Variants in SLC36A3 observed in about 807,000 individuals in gnomAD.
SLC36A3 encodes solute carrier family 36 member 3, also known as proton-coupled amino acid transporter 3.
In SLC36A3, 35 loss-of-function variants were observed where a neutral mutation model predicts 44.3. That is an observed-to-expected ratio of 0.79 (90% CI 0.60 to 1.05). The LOEUF (loss-of-function observed/expected upper bound fraction) is 1.05, where lower values mean the gene tolerates loss of function less well. Among genes scored for constraint, SLC36A3 ranks in the 50% least tolerant of loss-of-function variants. SLC36A3 has a pLI of 0.00. For synonymous variants in SLC36A3, 211 were observed against 227.6 expected, an observed-to-expected ratio of 0.93 and a Z score of 0.66; for missense variants, 540 against 578.7, an observed-to-expected ratio of 0.93 and a Z score of 0.69.
At chr5:151,286,264 G>C (rs191882081) in intron 6 of SLC36A3, among the ~76,000 whole-genome samples, 33 of 152,312 alleles carry the variant, frequency 2.2e-4, no homozygotes, top group African/African-American at 7.9e-4. Context: ...TCAAGTCCTT[G>C]ATATAAAATG....
intron 5 of SLC36A3, 146 bp downstream of exon 5, chr5:151,288,240 C>A (rs964476920): frequency 1.5e-5 from 7 of 458,136 alleles, no homozygotes; most frequent in Non-Finnish European, 2.6e-5. Context: ...ATTCCCAGGA[C>A]TGAGAGAGCT....
chr5:151,288,794 T>C (rs17660054), intron 4 of SLC36A3: 34,676 of 154,428 alleles, frequency 0.22, 4,276 homozygotes, highest in Admixed American at 0.37. Flanking sequence ...CAGAATCATT[T>C]GAAAGTCAAT....
At chr5:151,300,977 A>G (rs538441058) in intron 1 of SLC36A3, among the ~76,000 whole-genome samples, 6 of 152,342 alleles carry the variant, frequency 3.9e-5, no homozygotes, top group African/African-American at 1.2e-4. Context: ...ACTTGTAATG[A>G]CTGTATCATA....
chr5:151,284,658 CAAG>C lies in SLC36A3; in HGVS notation c.759_761del (p.Phe253del), dbSNP rs1342312670. On this transcript the variant is annotated inframe_deletion, in exon 7 of 10. Transcript: ENST00000335230. Reference sequence around the variant, plus strand: ...TGAAGATGGCTGTACCAAAGAACAGCAAGAAGGTCTTCCAGTTTGCCATCAAGG... The same window carrying C: ...TGAAGATGGCTGTACCAAAGAACAGCAAGGTCTTCCAGTTTGCCATCAAGG... 2 of 1,613,346 alleles carry C rather than the reference CAAG, an allele frequency of 1.2e-6. No homozygotes were observed. Among genetic ancestry groups the C allele is most frequent in the Non-Finnish European group, 8.5e-7 (1 of 1,179,596 alleles).
intron 1 of SLC36A3, among the ~76,000 whole-genome samples, chr5:151,299,928 T>A (rs1755113565): frequency 6.6e-6 from 1 of 152,224 alleles, no homozygotes; most frequent in Non-Finnish European, 1.5e-5. Flanking sequence ...TCATCCTCAC[T>A]GCCACCTTTG....
chr5:151,300,320 G>GA (rs1755127331), intron 1 of SLC36A3, among the ~76,000 whole-genome samples: 1 of 152,232 alleles, frequency 6.6e-6, no homozygotes, highest in Non-Finnish European at 1.5e-5. Flanking sequence ...GGGTTGGGTT[G>GA]AGAGAACAGA....
intron 3 of SLC36A3, among the ~76,000 whole-genome samples, chr5:151,294,026 G>A (rs1055840892): frequency 7.9e-5 from 12 of 152,254 alleles, no homozygotes; most frequent in Non-Finnish European, 1.5e-4. Context: ...AGTGGAAACA[G>A]CAGCAGGTTG....
chr5:151,300,543 C>T (rs1232544467), intron 1 of SLC36A3, among the ~76,000 whole-genome samples: 1 of 152,182 alleles, frequency 6.6e-6, no homozygotes, highest in Non-Finnish European at 1.5e-5. Flanking sequence ...CCACCCTCTG[C>T]TCTTTTTTCC....
At chr5:151,288,241 T>A in intron 5 of SLC36A3, 145 bp downstream of exon 5, 1 of 461,348 alleles carries the variant, frequency 2.2e-6, no homozygotes, top group Non-Finnish European at 3.7e-6. Flanking sequence ...TTCCCAGGAC[T>A]GAGAGAGCTC....
At chr5:151,284,592 C>G (rs776948521) in intron 7 of SLC36A3, 21 bp downstream of exon 7, 2 of 1,586,346 alleles carry the variant, frequency 1.3e-6, no homozygotes. Flanking sequence ...GGACCATTCG[C>G]GTGAACCCCA....
chr5:151,298,771 A>G, intron 1 of SLC36A3, 88 bp from the exon 2 acceptor site: 1 of 1,356,442 alleles, frequency 7.4e-7, no homozygotes, highest in Non-Finnish European at 1.0e-6. Context: ...GCATCTCCAG[A>G]GCGCCTGATA....
At chr5:151,288,132 A>G (rs952363402) in intron 5 of SLC36A3, among the ~76,000 whole-genome samples, 3 of 152,214 alleles carry the variant, frequency 2.0e-5, no homozygotes, top group Admixed American at 1.3e-4. Context: ...GCTAACAATT[A>G]TCATTGATTT....
rs565269309 is a variant in SLC36A3 at position 151,293,332 on chromosome 5, G to A, written c.404+32C>T. 64 of 1,559,264 alleles carry A rather than the reference G, an allele frequency of 4.1e-5. No individual in the cohort carries two copies. In the South Asian group the frequency reaches 7.2e-4, roughly 18 times the overall value. Reference sequence around the variant, plus strand: ...AAAGAAAAGTGATATGATGATTTTTGTTGTTACTACTACAACATCTGTGAC... The same window carrying A: ...AAAGAAAAGTGATATGATGATTTTTATTGTTACTACTACAACATCTGTGAC... On this transcript the variant is annotated intron_variant, in intron 4 of 9. Transcript: ENST00000335230.
intron 9 of SLC36A3, among the ~76,000 whole-genome samples, chr5:151,278,215 A>G (rs1023177420): frequency 1.3e-5 from 2 of 152,232 alleles, no homozygotes; most frequent in African/African-American, 4.8e-5. Context: ...CTGTCCGAAT[A>G]TCAGCCACTT....
chr5:151,303,010 G>C (rs529936708), intron 1 of SLC36A3, among the ~76,000 whole-genome samples: 29 of 152,330 alleles, frequency 1.9e-4, no homozygotes, highest in African/African-American at 6.7e-4. Flanking sequence ...GAGGGTGGCT[G>C]CTCTAGCTGG....
chr5:151,296,058 C>G, intron 3 of SLC36A3, 122 bp downstream of exon 3: 1 of 873,210 alleles, frequency 1.1e-6, no homozygotes, highest in Non-Finnish European at 1.9e-6. Context: ...TTCATAGAAT[C>G]CAGATTGGTA....
intron 2 of SLC36A3, 103 bp downstream of exon 2, chr5:151,298,490 T>C (rs1236806195): frequency 3.6e-6 from 4 of 1,104,912 alleles, no homozygotes; most frequent in Non-Finnish European, 5.3e-6. Flanking sequence ...TTGCAGAGGG[T>C]ACCCCCAAAT....
chr5:151,283,968 T>C, intron 8 of SLC36A3, 76 bp downstream of exon 8: 1 of 1,484,452 alleles, frequency 6.7e-7, no homozygotes, highest in Non-Finnish European at 9.0e-7. Flanking sequence ...GGCTCAGCTT[T>C]GCTGTGCTCT....
chr5:151,289,641 A>G (rs538720603), intron 4 of SLC36A3, among the ~76,000 whole-genome samples: 33 of 152,310 alleles, frequency 2.2e-4, no homozygotes, highest in African/African-American at 7.5e-4. Flanking sequence ...GTGTGTTTTC[A>G]TCACACTGGC....
Sources: allele counts gnomAD v4.1 joint callset (sites outside exome capture counted in the v4.1 genomes callset), GRCh38; gene constraint gnomAD v4.1.1; transcripts MANE v1.5; gene names NCBI Gene and HGNC (gene_info 2026-07-23, HGNC 2026-07-21).